PHF21A: variants seen among roughly 807,000 people sequenced by gnomAD.
PHF21A encodes BHC80a.
Under a neutral mutation model 82.5 loss-of-function variants are expected in PHF21A, and 11 were observed. The observed-to-expected ratio is 0.13, with a 90% confidence interval of 0.08 to 0.22. The LOEUF is 0.22. Among genes scored for constraint, PHF21A ranks in the 10% least tolerant of loss-of-function variants. PHF21A has a pLI of 1.00. For missense variants in PHF21A, 579 were observed against 837.8 expected (o/e 0.69, Z 3.81); for synonymous variants, 297 against 302.8 (o/e 0.98, Z 0.20).
At chr11:45,957,751 C>CAAAAAAAAAAAAAAAAAAAAAAAAAA in intron 10 of PHF21A, among the ~76,000 whole-genome samples, 2 of 60,892 alleles carry the variant, frequency 3.3e-5, no homozygotes, top group African/African-American at 6.0e-5. Flanking sequence ...AAATTCAAAG[C>CAAAAAAAAAAAAAAAAAAAAAAAAAA]AAAAAAAAAA....
chr11:45,936,451 C>A, intron 17 of PHF21A, 43 bp downstream of exon 17: 1 of 1,163,686 alleles, frequency 8.6e-7, no homozygotes, highest in South Asian at 1.4e-5. Context: ...TTTTTTCAAA[C>A]AAGGGGAAGC....
intron 6 of PHF21A, among the ~76,000 whole-genome samples, chr11:46,035,841 G>T (rs561634526): frequency 6.6e-6 from 1 of 152,280 alleles, no homozygotes. Context: ...AGAGGTTGGA[G>T]AAAGTAGGTA....
At chr11:46,054,100 T>C (rs2096412824) in intron 6 of PHF21A, among the ~76,000 whole-genome samples, 1 of 152,184 alleles carries the variant, frequency 6.6e-6, no homozygotes, top group African/African-American at 2.4e-5. Flanking sequence ...GTGATGCTTT[T>C]CTTGAGGCTT....
intron 6 of PHF21A, among the ~76,000 whole-genome samples, chr11:45,990,188 CT>C (rs1359502267): frequency 1.3e-5 from 2 of 151,818 alleles, no homozygotes; most frequent in Non-Finnish European, 2.9e-5. Flanking sequence ...ACACACACCC[CT>C]CTCACACTTT....
chr11:45,995,001 TG>T (rs1430054092), intron 6 of PHF21A, among the ~76,000 whole-genome samples: 1 of 152,240 alleles, frequency 6.6e-6, no homozygotes, highest in African/African-American at 2.4e-5. Flanking sequence ...ATAATCTCTG[TG>T]CTATATGCAG....
At chr11:46,108,576 T>C (rs1186112448) in intron 1 of PHF21A, among the ~76,000 whole-genome samples, 1 of 137,250 alleles carries the variant, frequency 7.3e-6, no homozygotes, top group African/African-American at 2.6e-5. Flanking sequence ...TGTATATATA[T>C]ATATATATAT....
intron 6 of PHF21A, among the ~76,000 whole-genome samples, chr11:45,992,866 CCT>C (rs1454805202): frequency 1.3e-5 from 2 of 152,144 alleles, no homozygotes; most frequent in African/African-American, 4.8e-5. Flanking sequence ...TAATTTAACC[CCT>C]GTCACATAAG....
intron 1 of PHF21A, among the ~76,000 whole-genome samples, chr11:46,094,793 G>A (rs768598732): frequency 1.3e-5 from 2 of 152,078 alleles, no homozygotes; most frequent in Non-Finnish European, 1.5e-5. Flanking sequence ...TCAGCTACTC[G>A]GGAGGCTGTG....
At chr11:46,019,333 T>C (rs573513402) in intron 6 of PHF21A, among the ~76,000 whole-genome samples, 43 of 152,276 alleles carry the variant, frequency 2.8e-4, no homozygotes, top group Admixed American at 7.2e-4. Flanking sequence ...AAATGAATCA[T>C]CTTAATTTTT....
At chr11:45,959,041 A>G (rs1243354937) in intron 10 of PHF21A, among the ~76,000 whole-genome samples, 1 of 152,264 alleles carries the variant, frequency 6.6e-6, no homozygotes, top group Non-Finnish European at 1.5e-5. Flanking sequence ...ATCCAAGAGC[A>G]TATTAAAAGG....
chr11:45,961,103 A>G (rs1283408617), intron 10 of PHF21A, among the ~76,000 whole-genome samples: 1 of 152,196 alleles, frequency 6.6e-6, no homozygotes, highest in African/African-American at 2.4e-5. Flanking sequence ...TTCCCACTGA[A>G]AGTGGAAAAA....
At chr11:46,059,216 G>A (rs571995777) in intron 6 of PHF21A, among the ~76,000 whole-genome samples, 165 of 152,136 alleles carry the variant, frequency 1.1e-3, no homozygotes, top group Non-Finnish European at 1.0e-3. Context: ...GCATACAACA[G>A]TAAAAAACTG....
chr11:45,966,675 AGTGGC>A (rs1300726941), intron 9 of PHF21A, among the ~76,000 whole-genome samples: 4 of 152,078 alleles, frequency 2.6e-5, no homozygotes, highest in African/African-American at 9.7e-5. Flanking sequence ...GCTGGAGTGC[AGTGGC>A]GCGACCTCGG....
intron 6 of PHF21A, among the ~76,000 whole-genome samples, chr11:46,067,272 C>T (rs1447696054): frequency 6.6e-6 from 1 of 152,090 alleles, no homozygotes; most frequent in Non-Finnish European, 1.5e-5. Flanking sequence ...GTTGAAGAAA[C>T]GACACAGCAT....
intron 6 of PHF21A, among the ~76,000 whole-genome samples, chr11:46,055,677 G>T (rs2096443182): frequency 6.6e-6 from 1 of 152,162 alleles, no homozygotes; most frequent in African/African-American, 2.4e-5. Context: ...GTCAGGCACA[G>T]AGGCAGCAGG....
At chr11:45,957,751 CAAAAAAAAAAAAA>C in intron 10 of PHF21A, among the ~76,000 whole-genome samples, 2 of 60,894 alleles carry the variant, frequency 3.3e-5, no homozygotes, top group Non-Finnish European at 6.7e-5. Context: ...AAATTCAAAG[CAAAAAAAAAAAAA>C]AAAAAGAAAA....
chr11:46,111,669 A>G (rs2097216086), intron 1 of PHF21A, among the ~76,000 whole-genome samples: 1 of 152,196 alleles, frequency 6.6e-6, no homozygotes, highest in South Asian at 2.1e-4. Flanking sequence ...TGCAGCTTAC[A>G]CTTACATTTT....
chr11:46,104,045 A>T (rs1566013262), intron 1 of PHF21A, among the ~76,000 whole-genome samples: 1 of 152,194 alleles, frequency 6.6e-6, no homozygotes. Context: ...TATGACAATT[A>T]AATATAGAAA....
In PHF21A at chr11:45,931,809, GC is replaced by G. The variant is rs1414656287; in HGVS notation, c.*2158del. ...GGCACGCAAGGGGCAAAGGTCTCCA[GC>G]GAGAGCACAAATCTGACACAATTTA... is the stretch of plus-strand genomic sequence containing the variant. On this transcript the variant is annotated 3_prime_UTR_variant, in exon 19 of 19. Coordinates refer to ENST00000676320, the MANE Select transcript of PHF21A (RefSeq NM_001352027.3). 1 of 152,388 alleles carries G rather than the reference GC, an allele frequency of 6.6e-6. No homozygotes were observed. Among genetic ancestry groups the G allele is most frequent in the Non-Finnish European group, 1.5e-5 (1 of 68,166 alleles). 9.4% of individuals were successfully genotyped at this position (152,388 alleles called of 1,614,324 possible). A position where few individuals can be genotyped will look rare whatever the true frequency, so the allele number is the denominator to read the frequency against.
Sources: gnomAD v4.1 joint callset for allele counts (sites outside exome capture counted in the v4.1 genomes callset) on GRCh38, gnomAD v4.1.1 for gene constraint, MANE v1.5 for transcripts, NCBI Gene and HGNC (gene_info 2026-07-23, HGNC 2026-07-21) for gene names.